CAMKK2: variants seen among roughly 807,000 people sequenced by gnomAD.
CAMKK2 encodes calcium/calmodulin dependent protein kinase kinase 2.
CAMKK2 carries 30 observed loss-of-function variants against 67.2 expected under a neutral mutation model. The ratio of observed to expected loss-of-function variants is 0.45; its 90% CI spans 0.33 to 0.61. CAMKK2 has a LOEUF of 0.61. Among genes scored for constraint, CAMKK2 ranks in the 20% least tolerant of loss-of-function variants. The probability of loss-of-function intolerance (pLI) is 0.02; values close to 1 mark genes in which losing one functional copy is unlikely to be tolerated. For missense variants in CAMKK2, 643 were observed against 802.0 expected (o/e 0.80, Z 2.39); for synonymous variants, 322 against 326.2 (o/e 0.99, Z 0.14).
chr12:121,255,492 C>T (rs551028683), intron 9 of CAMKK2, 58 bp downstream of exon 9: 150 of 1,432,464 alleles, frequency 1.0e-4, no homozygotes, highest in Middle Eastern at 4.0e-4. Flanking sequence ...CACTTTGCAC[C>T]CACGCTCAGA....
chr12:121,253,543 T>A lies in CAMKK2; in HGVS notation c.908-71A>T. ...TCGTGAGCACCTCTATGCGGCCACATGGCCTGGAGACACAGGCATGGCACC... is the reference window on the plus strand; with the variant it reads ...TCGTGAGCACCTCTATGCGGCCACAAGGCCTGGAGACACAGGCATGGCACC... On this transcript the variant is annotated intron_variant, in intron 9 of 16. Coordinates refer to ENST00000404169, the MANE Select transcript of CAMKK2 (RefSeq NM_001270485.2). The surrounding 1 kb of genome is among the most constrained non-coding windows in gnomAD (Gnocchi z 5.0). 5.3e-6 allele frequency: 7 copies of A among 1,310,552 alleles called. No individual in the cohort carries two copies. The highest frequency in any genetic ancestry group is 1.4e-5 in the African/African-American group (1 of 69,044). 81.2% of individuals were successfully genotyped at this position (1,310,552 alleles called of 1,614,324 possible).
At chr12:121,265,987 A>C (rs4480616) in intron 5 of CAMKK2, among the ~76,000 whole-genome samples, 66,172 of 151,978 alleles carry the variant, frequency 0.44, 15,072 homozygotes, top group African/African-American at 0.56. Context: ...ACTGGAGTGC[A>C]GTGGCGCAAT....
intron 2 of CAMKK2, among the ~76,000 whole-genome samples, chr12:121,271,957 G>A (rs562418812): frequency 1.3e-5 from 2 of 152,060 alleles, no homozygotes; most frequent in African/African-American, 2.4e-5. Context: ...TTATCCTCCC[G>A]CCTTGGCCTC....
intron 1 of CAMKK2, among the ~76,000 whole-genome samples, chr12:121,283,913 T>G (rs756264726): frequency 1.1e-4 from 16 of 152,246 alleles, no homozygotes; most frequent in Non-Finnish European, 1.5e-5. Flanking sequence ...CAGATTTTCT[T>G]GAAGAACTGC....
At chr12:121,273,579 C>G (rs746792150) in intron 2 of CAMKK2, among the ~76,000 whole-genome samples, 44 of 152,086 alleles carry the variant, frequency 2.9e-4, no homozygotes, top group Non-Finnish European at 5.1e-4. Flanking sequence ...CAGTGACCCG[C>G]CTCATTCCAT....
chr12:121,251,983 G>A (rs1294357640), intron 11 of CAMKK2, among the ~76,000 whole-genome samples: 2 of 152,114 alleles, frequency 1.3e-5, no homozygotes, highest in Non-Finnish European at 2.9e-5. Flanking sequence ...AAAGCTTCTA[G>A]GAATACCCTG....
chr12:121,247,680 G>A (rs1889776492), intron 14 of CAMKK2, among the ~76,000 whole-genome samples: 1 of 152,172 alleles, frequency 6.6e-6, no homozygotes, highest in South Asian at 2.1e-4. Flanking sequence ...CCCCAGCCAG[G>A]GCTCAGCTTT....
intron 16 of CAMKK2, among the ~76,000 whole-genome samples, chr12:121,242,352 AAAGAAAGAAAG>A (rs1256216411): frequency 7.6e-6 from 1 of 131,954 alleles, no homozygotes; most frequent in African/African-American, 3.0e-5. Context: ...CAAAAAAAAA[AAAGAAAGAAAG>A]AAAGAAAGAA....
intron 1 of CAMKK2, among the ~76,000 whole-genome samples, chr12:121,275,188 A>G (rs1435120268): frequency 6.6e-6 from 1 of 152,166 alleles, no homozygotes; most frequent in Non-Finnish European, 1.5e-5. Context: ...CTGGGCATTA[A>G]CAATGCAGGT....
intron 16 of CAMKK2, among the ~76,000 whole-genome samples, chr12:121,241,919 T>A (rs1593252228): frequency 6.6e-6 from 1 of 152,318 alleles, no homozygotes; most frequent in Middle Eastern, 3.4e-3. Flanking sequence ...TGAGCTCCCA[T>A]GACCAAGGCA....
chr12:121,292,367 G>A (rs1203961472), intron 1 of CAMKK2, among the ~76,000 whole-genome samples: 2 of 152,058 alleles, frequency 1.3e-5, no homozygotes, highest in Admixed American at 1.3e-4. Context: ...AACCTCAAGT[G>A]ATCTACCCGC....
intron 5 of CAMKK2, among the ~76,000 whole-genome samples, chr12:121,265,535 C>T (rs961195371): frequency 5.3e-5 from 8 of 152,014 alleles, no homozygotes; most frequent in Admixed American, 1.3e-4. Context: ...GAGTAGGTCA[C>T]GAGGATACAG....
intron 1 of CAMKK2, among the ~76,000 whole-genome samples, chr12:121,279,049 G>T (rs1897284924): frequency 6.6e-6 from 1 of 152,196 alleles, no homozygotes; most frequent in Admixed American, 6.5e-5. Context: ...ATGGAGATTT[G>T]TTTTTTTCTC....
chr12:121,248,856 A>G (rs1162841470), intron 13 of CAMKK2, 122 bp from the exon 14 acceptor site: 4 of 1,171,672 alleles, frequency 3.4e-6, no homozygotes, highest in Non-Finnish European at 5.0e-6. Context: ...CAGGCATGCA[A>G]AACAGCTGGC....
intron 2 of CAMKK2, 33 bp from the exon 3 acceptor site, chr12:121,270,978 A>C (rs1164006719): frequency 6.2e-7 from 1 of 1,602,826 alleles, no homozygotes; most frequent in Non-Finnish European, 8.5e-7. Flanking sequence ...TGCAAAATGA[A>C]TTTTAAGTTT....
chr12:121,286,121 A>G (rs1898693302), intron 1 of CAMKK2, among the ~76,000 whole-genome samples: 1 of 152,078 alleles, frequency 6.6e-6, no homozygotes, highest in Non-Finnish European at 1.5e-5. Context: ...TGCTTAAGCT[A>G]TTTCGTGATT....
At position 121,245,326 on chromosome 12, in the gene CAMKK2, C is replaced by T; in HGVS notation, c.1453-86G>A. The T allele has an allele frequency of 1.2e-6, 1 of 837,906 alleles. No homozygotes were observed. The allele number at this position is 837,906 out of a possible 1,614,324, so 51.9% of individuals were successfully genotyped here. ...GGCAACATCCTCCCTCTTCCTTCTC[C>T]CCAGCCCCTGCCAGCTCCCAGGGCT... On this transcript the variant is annotated intron_variant, in intron 14 of 16. Coordinates refer to ENST00000404169, the MANE Select transcript of CAMKK2 (RefSeq NM_001270485.2). This position sits in a 1 kb window ranked among gnomAD's most constrained non-coding sequence, Gnocchi z 5.8.
chr12:121,253,402 G>C lies in CAMKK2; in HGVS notation c.978C>G (p.Ile326Met). Residue 326 changes from isoleucine (I) to methionine (M), a missense_variant, in exon 10 of 17, where the codon ATC becomes ATG. Physicochemically the swap from Ile to Met is conservative, Grantham distance 10. This residue lies in a region of CAMKK2 where 483 missense variants were observed against 625.8 expected (regional missense o/e 0.77). Transcript: ENST00000404169. The surrounding 1 kb of genome is among the most constrained non-coding windows in gnomAD (Gnocchi z 5.0). Reference sequence around the variant, plus strand: ...TGCTCACACCAAAGTCAGCGATCTTGATGTGCCCATCTTCTCCGACCAGGA... The same window carrying C: ...TGCTCACACCAAAGTCAGCGATCTTCATGTGCCCATCTTCTCCGACCAGGA... ...SNLLVGEDGH[I>M]KIADFGVSNE... The C allele has an allele frequency of 6.2e-7, 1 of 1,614,186 alleles. No homozygotes were observed. The highest frequency in any genetic ancestry group is 8.5e-7 in the Non-Finnish European group (1 of 1,180,014).
chr12:121,259,951 C>A (rs1157371608), intron 7 of CAMKK2, among the ~76,000 whole-genome samples: 1 of 152,122 alleles, frequency 6.6e-6, no homozygotes, highest in Non-Finnish European at 1.5e-5. Context: ...GGTATGGTGG[C>A]CCATGCCTAT....
Sources: allele counts gnomAD v4.1 joint callset (sites outside exome capture counted in the v4.1 genomes callset), GRCh38; gene constraint gnomAD v4.1.1; regional missense constraint gnomAD v4.1.1; non-coding constraint Gnocchi (gnomAD v3.1); transcripts MANE v1.5; gene names NCBI Gene and HGNC (gene_info 2026-07-23, HGNC 2026-07-21).